JAK1: variants seen among roughly 807,000 people sequenced by gnomAD.
The protein encoded by JAK1 is Janus kinase 1.
JAK1 carries 16 observed loss-of-function variants against 136.6 expected under a neutral mutation model. The observed-to-expected ratio is 0.12, with a 90% CI of 0.08 to 0.18. The LOEUF (loss-of-function observed/expected upper bound fraction) is 0.18, where lower values mean the gene tolerates loss of function less well. Among genes scored for constraint, JAK1 ranks in the 10% least tolerant of loss-of-function variants. The pLI, the probability that JAK1 is intolerant of heterozygous loss-of-function variation, is 1.00. For synonymous variants in JAK1, 492 were observed against 519.5 expected (o/e 0.95, Z 0.72); for missense variants, 859 against 1,450.1 (o/e 0.59, Z 6.62).
chr1:64,886,541 T>A (rs1257415504), intron 1 of JAK1, among the ~76,000 whole-genome samples, 200 bp from the exon 2 acceptor site: 1 of 151,926 alleles, frequency 6.6e-6, no homozygotes, highest in African/African-American at 2.4e-5. Context: ...GGTGCAAACA[T>A]CAAAGAGGAT....
At chr1:65,015,666 T>C (rs1646886667) in intron 2 of JAK1, among the ~76,000 whole-genome samples, 1 of 152,204 alleles carries the variant, frequency 6.6e-6, no homozygotes, top group South Asian at 2.1e-4. Flanking sequence ...AACTTATAGA[T>C]ATTCAAACAG....
At chr1:65,017,390 C>T (rs1484493867) in intron 2 of JAK1, among the ~76,000 whole-genome samples, 1 of 152,120 alleles carries the variant, frequency 6.6e-6, no homozygotes, top group Non-Finnish European at 1.5e-5. Flanking sequence ...ATTGCTTGAA[C>T]CCAGGAGGCG....
intron 2 of JAK1, chr1:64,973,132 A>T (rs1646466047): frequency 6.6e-6 from 1 of 151,872 alleles, no homozygotes; most frequent in South Asian, 2.1e-4. Flanking sequence ...AGAAAGAAAG[A>T]AAAAGAGAAA....
intron 1 of JAK1, among the ~76,000 whole-genome samples, chr1:64,910,543 T>G (rs747484038): frequency 6.6e-6 from 1 of 152,118 alleles, no homozygotes; most frequent in Non-Finnish European, 1.5e-5. Context: ...CTTAGAAATA[T>G]CAACATATGG....
chr1:65,045,873 TCAGA>T lies in JAK1; in HGVS notation c.-180-1295_-180-1292del, dbSNP rs1301286220. Among the ~76,000 whole-genome samples, 25 of 152,248 alleles carry T rather than the reference TCAGA, an allele frequency of 1.6e-4. No individual in the cohort carries two copies. In the East Asian group the frequency reaches 4.8e-3, roughly 29 times the overall value. On this transcript the variant is annotated intron_variant, in intron 1 of 25. Transcript: ENST00000671954. ...ATCTTATCAAGCTTGGGATTTGGAG[TCAGA>T]CAAACATAGCTTCAGATCCAAGCTC...
At chr1:65,034,101 G>A (rs150960933) in intron 2 of JAK1, among the ~76,000 whole-genome samples, 278 of 152,342 alleles carry the variant, frequency 1.8e-3, no homozygotes, top group African/African-American at 6.4e-3. Flanking sequence ...GGGTAAAGGG[G>A]AAAGGTATTC....
At chr1:64,914,924 T>C (rs1396652499) in intron 1 of JAK1, among the ~76,000 whole-genome samples, 1 of 152,174 alleles carries the variant, frequency 6.6e-6, no homozygotes, top group African/African-American at 2.4e-5. Context: ...GAACGTGTGA[T>C]GGGTGGGTCT....
chr1:64,949,555 AG>A (rs1646045924), intron 1 of JAK1, among the ~76,000 whole-genome samples: 1 of 152,246 alleles, frequency 6.6e-6, no homozygotes, highest in Non-Finnish European at 1.5e-5. Context: ...AGGCATCAAA[AG>A]CAAATAAATT....
intron 2 of JAK1, among the ~76,000 whole-genome samples, chr1:64,977,706 C>T (rs1646509460): frequency 6.6e-6 from 1 of 152,148 alleles, no homozygotes; most frequent in African/African-American, 2.4e-5. Context: ...GCTGGGATTA[C>T]AGGCGTGAGC....
At position 64,853,837 on chromosome 1, in the gene JAK1, A is replaced by C. The variant is rs183143681; in HGVS notation, c.1648+1672T>G. On this transcript the variant is annotated intron_variant, in intron 11 of 24. Coordinates refer to ENST00000342505, the MANE Select transcript of JAK1 (RefSeq NM_002227.4). ...GGCACTGTCCTCCCCACGAGCCCAT[A>C]GAGTGGTGAGTGAGACTCAGGTCCT... 1.5e-3 allele frequency among the ~76,000 whole-genome samples: 232 copies of C among 152,312 alleles called. 1 individual carries two copies. The highest frequency in any genetic ancestry group is 9.4e-3 in the Admixed American group (144 of 15,304).
chr1:65,066,214 C>T (rs1201324716), intron 1 of JAK1, among the ~76,000 whole-genome samples: 2 of 152,144 alleles, frequency 1.3e-5, no homozygotes, highest in Non-Finnish European at 2.9e-5. Context: ...AAGAATTCCT[C>T]GCACAGGAAG....
intron 11 of JAK1, among the ~76,000 whole-genome samples, chr1:64,851,324 T>G (rs1655578604): frequency 6.6e-6 from 1 of 152,212 alleles, no homozygotes; most frequent in South Asian, 2.1e-4. Flanking sequence ...CGGTACATAG[T>G]AGGCACTCAA....
At chr1:64,908,409 A>C (rs1032213850) in intron 1 of JAK1, among the ~76,000 whole-genome samples, 1 of 151,946 alleles carries the variant, frequency 6.6e-6, no homozygotes, top group Non-Finnish European at 1.5e-5. Context: ...TACATATTCT[A>C]CTGTGCAGCT....
rs1212543558 is a variant in JAK1, at chr1:64,870,798, T to C, written c.484-1324A>G. On this transcript the variant is annotated intron_variant, in intron 5 of 24. Coordinates refer to ENST00000342505, the MANE Select transcript of JAK1 (RefSeq NM_002227.4). ...TTTCTCTTCTTTTCACCATGGGATA[T>C]CTTGTTTCTCTCAGGTGAGGAAAGG... Among the ~76,000 whole-genome samples, 5 of 152,186 alleles carry C rather than the reference T, an allele frequency of 3.3e-5. No individual in the cohort carries two copies. The East Asian group carries it at 9.6e-4, about 29-fold the overall frequency.
At chr1:65,029,861 G>A (rs1647007734) in intron 2 of JAK1, among the ~76,000 whole-genome samples, 1 of 152,098 alleles carries the variant, frequency 6.6e-6, no homozygotes, top group African/African-American at 2.4e-5. Context: ...GGGCTTAAGA[G>A]TGTGTAATGA....
chr1:65,030,115 T>A (rs2100811838), intron 2 of JAK1, among the ~76,000 whole-genome samples: 1 of 152,174 alleles, frequency 6.6e-6, no homozygotes, highest in East Asian at 1.9e-4. Flanking sequence ...GTGGGATTAG[T>A]GCCCTTATTA....
At chr1:64,896,213 A>T (rs1330275490) in intron 1 of JAK1, among the ~76,000 whole-genome samples, 1 of 152,256 alleles carries the variant, frequency 6.6e-6, no homozygotes, top group Non-Finnish European at 1.5e-5. Flanking sequence ...CTTGAAGCAC[A>T]GTCCAGAGCA....
intron 2 of JAK1, chr1:64,985,410 A>G: frequency 6.2e-7 from 1 of 1,610,176 alleles, no homozygotes; most frequent in Middle Eastern, 1.7e-4. Flanking sequence ...GGTGCCCCAC[A>G]ACCACTGGAG....
intron 7 of JAK1, 24 bp from the exon 8 acceptor site, chr1:64,864,996 A>G (rs1656602263): frequency 1.3e-6 from 2 of 1,580,560 alleles, no homozygotes; most frequent in African/African-American, 1.4e-5. Flanking sequence ...TAAAAGGGAC[A>G]GGGTTAAGTT....
Sources: allele counts gnomAD v4.1 joint callset (sites outside exome capture counted in the v4.1 genomes callset), GRCh38; gene constraint gnomAD v4.1.1; transcripts MANE v1.5; gene names NCBI Gene and HGNC (gene_info 2026-07-23, HGNC 2026-07-21).